The following CYTH3 variants were observed in gnomAD, a reference collection of about 807,000 sequenced individuals.
The protein encoded by CYTH3 is cytohesin 3.
In CYTH3, 23 loss-of-function variants were observed where a neutral mutation model predicts 55.1. The observed-to-expected ratio is 0.42, with a 90% CI of 0.30 to 0.59. The LOEUF is 0.59. CYTH3 is among the 20% of genes least tolerant of loss of function. The pLI is 0.20. For missense variants in CYTH3, 413 were observed against 524.8 expected (o/e 0.79, Z 2.08); for synonymous variants, 249 against 194.9 (o/e 1.28, Z -2.31).
intron 1 of CYTH3, among the ~76,000 whole-genome samples, chr7:6,259,748 A>G (rs1213424126): frequency 1.7e-4 from 3 of 17,844 alleles, no homozygotes; most frequent in East Asian, 2.2e-3. Flanking sequence ...TATATAATAT[A>G]TATATATATT....
At chr7:6,199,575 T>A (rs1224751200) in intron 1 of CYTH3, among the ~76,000 whole-genome samples, 2 of 152,180 alleles carry the variant, frequency 1.3e-5, no homozygotes, top group Non-Finnish European at 2.9e-5. Flanking sequence ...ACAAAGACAT[T>A]TTCAGATATA....
chr7:6,243,584 G>A (rs903238351), intron 1 of CYTH3, among the ~76,000 whole-genome samples: 3 of 152,212 alleles, frequency 2.0e-5, no homozygotes, highest in Admixed American at 2.0e-4. Context: ...GGTTCAGTTG[G>A]AAATACATTT....
intron 9 of CYTH3, among the ~76,000 whole-genome samples, chr7:6,168,878 G>A (rs933767355): frequency 3.3e-5 from 5 of 152,168 alleles, no homozygotes; most frequent in African/African-American, 1.2e-4. Flanking sequence ...GGTGGGCAAC[G>A]CAGGAACCAG....
At chr7:6,237,649 C>T (rs1393106901) in intron 1 of CYTH3, among the ~76,000 whole-genome samples, 7 of 152,102 alleles carry the variant, frequency 4.6e-5, no homozygotes, top group Non-Finnish European at 1.0e-4. Flanking sequence ...CAGAAGGTTG[C>T]AGTGAGCCCA....
At chr7:6,239,501 A>G (rs1397093768) in intron 1 of CYTH3, among the ~76,000 whole-genome samples, 1 of 152,226 alleles carries the variant, frequency 6.6e-6, no homozygotes, top group African/African-American at 2.4e-5. Context: ...GAACATTTTC[A>G]AAACAGAATG....
intron 1 of CYTH3, 37 bp downstream of exon 1, chr7:6,272,437 A>T: frequency 1.2e-6 from 1 of 846,918 alleles, no homozygotes; most frequent in East Asian, 4.4e-5. Context: ...CCCCGACCCC[A>T]GGCCGCCGGC....
Position 6,165,108 on chromosome 7 carries a change from C to T in CYTH3, c.1128-92G>A, listed in dbSNP as rs1013060890. On this transcript the variant is annotated intron_variant, in intron 12 of 12. Transcript: ENST00000350796. The stretch of plus-strand genomic sequence containing the variant: ...GCCCCAGAGGCCCCTCAGACAGGAC[C>T]GCAGGCTCAGATCTGAACGTCGGCT... 69 of 1,583,138 alleles carry T rather than the reference C, an allele frequency of 4.4e-5. No homozygotes were observed. In the African/African-American group the frequency reaches 4.9e-4, roughly 11 times the overall value.
At chr7:6,260,215 T>C (rs1435015005) in intron 1 of CYTH3, among the ~76,000 whole-genome samples, 1 of 151,994 alleles carries the variant, frequency 6.6e-6, no homozygotes, top group African/African-American at 2.4e-5. Context: ...GTTTCAACAG[T>C]CTCATATTAC....
rs115962725 is a variant in CYTH3 at position 6,163,771 on chromosome 7, G to A, written c.*1173C>T. ...CTCAGGACACGGCGCACTACATGGGGTGAGACTGTTTTTAGTTAATTCTGT... is the reference window on the plus strand; with the variant it reads ...CTCAGGACACGGCGCACTACATGGGATGAGACTGTTTTTAGTTAATTCTGT... On this transcript the variant is annotated 3_prime_UTR_variant, in exon 13 of 13. Coordinates refer to ENST00000350796, the MANE Select transcript of CYTH3 (RefSeq NM_004227.4). 2.0e-3 allele frequency: 303 copies of A among 152,338 alleles called. No individual in the cohort carries two copies. The highest frequency in any genetic ancestry group is 7.0e-3 in the African/African-American group (293 of 41,566). 9.4% of individuals were successfully genotyped at this position (152,338 alleles called of 1,614,324 possible).
chr7:6,229,040 C>A lies in CYTH3; in HGVS notation c.35-38509G>T, dbSNP rs541419576. ...TAGACATATGAAGATAACCACACCC[C>A]CTCTGAGCAGAGGGAACAGATGTTT... is the stretch of plus-strand genomic sequence containing the variant. On this transcript the variant is annotated intron_variant, in intron 1 of 12. Coordinates refer to ENST00000350796, the MANE Select transcript of CYTH3 (RefSeq NM_004227.4). Among the ~76,000 whole-genome samples the A allele has an allele frequency of 4.1e-3, 617 of 152,208 alleles. 8 individuals are homozygous for A. The highest frequency in any genetic ancestry group is 3.7e-3 in the Non-Finnish European group (251 of 68,004).
At chr7:6,227,800 T>C (rs1354293988) in intron 1 of CYTH3, among the ~76,000 whole-genome samples, 2 of 152,246 alleles carry the variant, frequency 1.3e-5, no homozygotes, top group South Asian at 2.1e-4. Flanking sequence ...TTATTGAGAA[T>C]GTTCCTGAAC....
chr7:6,172,949 A>C, intron 6 of CYTH3: 1 of 1,156,112 alleles, frequency 8.6e-7, no homozygotes, highest in Non-Finnish European at 1.1e-6. Context: ...CGTAAACGAG[A>C]ACAAGGTATG....
intron 1 of CYTH3, among the ~76,000 whole-genome samples, chr7:6,195,601 C>A (rs1237846542): frequency 2.6e-5 from 4 of 152,018 alleles, no homozygotes; most frequent in South Asian, 2.1e-4. Context: ...ATTACAGGTG[C>A]CTGCCATCAC....
chr7:6,171,104 C>T lies in CYTH3; in HGVS notation c.562+98G>A, dbSNP rs1783176904. 2.2e-5 allele frequency: 35 copies of T among 1,582,994 alleles called. No homozygotes were observed. In the South Asian group the frequency reaches 3.8e-4, roughly 17 times the overall value. Reference sequence around the variant, plus strand: ...TCGTCCTCGCTCAGGGAAGGCAGGTCCCCAGGAACACACGCTGGGCTGTGC... The same window carrying T: ...TCGTCCTCGCTCAGGGAAGGCAGGTTCCCAGGAACACACGCTGGGCTGTGC... On this transcript the variant is annotated intron_variant, in intron 7 of 12. Coordinates refer to ENST00000350796, the MANE Select transcript of CYTH3 (RefSeq NM_004227.4). This position sits in a 1 kb window ranked among gnomAD's most constrained non-coding sequence, Gnocchi z 6.7.
At chr7:6,252,671 T>A (rs1374993255) in intron 1 of CYTH3, among the ~76,000 whole-genome samples, 1 of 152,174 alleles carries the variant, frequency 6.6e-6, no homozygotes. Flanking sequence ...CAGTTAAAGC[T>A]CTTTTTTTAA....
chr7:6,263,868 A>C (rs891850885), intron 1 of CYTH3, among the ~76,000 whole-genome samples: 3 of 152,208 alleles, frequency 2.0e-5, no homozygotes, highest in Non-Finnish European at 2.9e-5. Context: ...AAATTAAACA[A>C]GGTCTATATA....
At chr7:6,223,301 G>C (rs931039361) in intron 1 of CYTH3, among the ~76,000 whole-genome samples, 4 of 152,178 alleles carry the variant, frequency 2.6e-5, no homozygotes, top group Non-Finnish European at 4.4e-5. Flanking sequence ...CTGCCAGGCC[G>C]CCCCGTCTGG....
intron 1 of CYTH3, among the ~76,000 whole-genome samples, chr7:6,215,184 C>A (rs963126115): frequency 1.3e-5 from 2 of 152,246 alleles, no homozygotes; most frequent in South Asian, 2.1e-4. Flanking sequence ...CTGAGTAACA[C>A]CAGAAAGTTC....
chr7:6,241,404 A>C (rs781385017), intron 1 of CYTH3, among the ~76,000 whole-genome samples: 2 of 152,238 alleles, frequency 1.3e-5, no homozygotes, highest in Non-Finnish European at 2.9e-5. Context: ...CAAAAATCCG[A>C]AAGTTTGACA....
Sources: gnomAD v4.1 joint callset for allele counts (sites outside exome capture counted in the v4.1 genomes callset) on GRCh38, gnomAD v4.1.1 for gene constraint, Gnocchi (gnomAD v3.1) non-coding constraint, MANE v1.5 for transcripts, NCBI Gene and HGNC (gene_info 2026-07-23, HGNC 2026-07-21) for gene names.